The following OSBPL9 variants were observed in gnomAD, a reference collection of about 807,000 sequenced individuals.
OSBPL9 encodes the protein oxysterol binding protein like 9.
Under a neutral mutation model 106.6 loss-of-function variants are expected in OSBPL9, and 40 were observed. That is an observed-to-expected ratio of 0.38 (90% CI 0.29 to 0.49). The LOEUF is 0.49. Ranked by LOEUF, OSBPL9 falls within the 20% of genes least tolerant of loss-of-function variation. The pLI is 0.97. For missense variants in OSBPL9, 609 were observed against 887.2 expected (o/e 0.69, Z 3.98); for synonymous variants, 269 against 295.4 (o/e 0.91, Z 0.92).
At position 51,761,886 on chromosome 1, in the gene OSBPL9, G is replaced by A. The variant is rs770689263; in HGVS notation, c.693G>A (p.Lys231=). The part of the protein sequence containing the change: ...VLPPEPVQLC[K]SEQRPSSLPV... ...TCCTAGAACCTGTTCAGTTGTGTAA[G>A]TCAGAGCAGCGTCCATCTTCCCTAC... Residue 231 remains lysine (K), a synonymous_variant, in exon 11 of 24, where the codon AAG becomes AAA. Transcript: ENST00000428468. 6.2e-7 allele frequency: 1 copy of A among 1,613,586 alleles called. No homozygotes were observed. The highest frequency in any genetic ancestry group is 1.7e-5 in the Admixed American group (1 of 60,008).
intron 2 of OSBPL9, among the ~76,000 whole-genome samples, chr1:51,604,746 C>G (rs544826762): frequency 1.3e-5 from 2 of 151,832 alleles, no homozygotes; most frequent in Non-Finnish European, 2.9e-5. Flanking sequence ...CTCGGCCTCC[C>G]GGGTCCAAGT....
intron 11 of OSBPL9, among the ~76,000 whole-genome samples, chr1:51,762,968 T>C (rs925601932): frequency 1.3e-5 from 2 of 152,186 alleles, no homozygotes; most frequent in African/African-American, 4.8e-5. Context: ...AAAAAGATAC[T>C]TCATTTTAAT....
At chr1:51,610,463 T>A (rs2148606011) in intron 2 of OSBPL9, among the ~76,000 whole-genome samples, 1 of 152,328 alleles carries the variant, frequency 6.6e-6, no homozygotes, top group East Asian at 1.9e-4. Context: ...TTTCACCTTG[T>A]TGGCCAGGCT....
intron 2 of OSBPL9, among the ~76,000 whole-genome samples, chr1:51,659,553 A>G (rs1017691220): frequency 6.6e-6 from 1 of 152,062 alleles, no homozygotes; most frequent in African/African-American, 2.4e-5. Flanking sequence ...GAATACACTA[A>G]TGAAATGGGA....
At chr1:51,556,199 GTTAA>G in the OSBPL9 span, among the ~76,000 whole-genome samples, 1 of 152,148 alleles carries the variant, frequency 6.6e-6, no homozygotes, top group African/African-American at 2.4e-5. Flanking sequence ...CTGTCTAGCA[GTTAA>G]TTGTCACCCA....
In OSBPL9 at chr1:51,649,880, TTTG is replaced by T. The variant is rs199849891; in HGVS notation, c.112-2101_112-2099del. 6.5e-3 allele frequency among the ~76,000 whole-genome samples: 990 copies of T among 152,126 alleles called. 8 individuals carry two copies. Among genetic ancestry groups the T allele is most frequent in the Non-Finnish European group, 0.011 (768 of 67,984 alleles). On this transcript the variant is annotated intron_variant, in intron 1 of 23. Transcript: ENST00000428468. The stretch of plus-strand genomic sequence containing the variant: ...AGTTATCTCTCTTAGTTTTTTCTTT[TTTG>T]TTGTTGTTGAAAAAAGGGTTTTGCT...
chr1:51,666,479 CAT>C (rs1187488277), intron 2 of OSBPL9, among the ~76,000 whole-genome samples: 3 of 152,172 alleles, frequency 2.0e-5, no homozygotes, highest in African/African-American at 7.2e-5. Flanking sequence ...TCATACTAGT[CAT>C]ATTTCAAATG....
chr1:51,529,332 C>T, the OSBPL9 span, among the ~76,000 whole-genome samples: 6 of 152,044 alleles, frequency 3.9e-5, no homozygotes, highest in Admixed American at 1.3e-4. Flanking sequence ...CTCTGCCTCC[C>T]AGGTTTGCCA....
At chr1:51,558,418 C>A in the OSBPL9 span, among the ~76,000 whole-genome samples, 1 of 152,150 alleles carries the variant, frequency 6.6e-6, no homozygotes, top group Admixed American at 6.5e-5. Context: ...GCCACCTCCC[C>A]AATTCTCCTA....
the OSBPL9 span, among the ~76,000 whole-genome samples, chr1:51,562,223 T>C: frequency 1.3e-5 from 2 of 152,106 alleles, no homozygotes; most frequent in African/African-American, 4.8e-5. Flanking sequence ...TTCTCATAAA[T>C]GGTTTAGCAC....
intron 14 of OSBPL9, among the ~76,000 whole-genome samples, chr1:51,775,422 A>C (rs1674827990): frequency 6.6e-6 from 1 of 151,868 alleles, no homozygotes; most frequent in Admixed American, 6.6e-5. Flanking sequence ...GTGCCACCTC[A>C]ATAAATTGTT....
chr1:51,625,612 C>G (rs1001383150), intron 1 of OSBPL9, among the ~76,000 whole-genome samples: 1 of 151,792 alleles, frequency 6.6e-6, no homozygotes, highest in Admixed American at 6.6e-5. Context: ...CGTCCAGCAC[C>G]AAGACTCAAA....
chr1:51,667,200 T>C (rs1648731914), intron 2 of OSBPL9, among the ~76,000 whole-genome samples: 1 of 152,202 alleles, frequency 6.6e-6, no homozygotes, highest in Non-Finnish European at 1.5e-5. Context: ...TGAGTTGCAA[T>C]AGCTTTGTTG....
At chr1:51,617,020 C>A, upstream of OSBPL9, 2 of 1,495,670 alleles carry the variant, frequency 1.3e-6, no homozygotes, top group Non-Finnish European at 9.0e-7. Context: ...GCCCAGGACC[C>A]GCCCCGCCCC....
At chr1:51,757,012 T>C (rs1670486207) in intron 9 of OSBPL9, 1 of 152,214 alleles carries the variant, frequency 6.6e-6, no homozygotes, top group African/African-American at 2.4e-5. Flanking sequence ...GGTTTGTGCT[T>C]ACCCTAGTTT....
intron 2 of OSBPL9, among the ~76,000 whole-genome samples, chr1:51,607,237 C>T (rs1643955256): frequency 6.7e-6 from 1 of 148,576 alleles, no homozygotes; most frequent in Non-Finnish European, 1.5e-5. Flanking sequence ...GATCTCAGCA[C>T]TGCAACCTCC....
chr1:51,669,901 G>A (rs1379275926), intron 3 of OSBPL9: 2 of 423,188 alleles, frequency 4.7e-6, no homozygotes, highest in African/African-American at 4.1e-5. Context: ...GTGTTTGTCT[G>A]TGTAAAACTC....
chr1:51,675,386 T>C (rs1343995414), intron 3 of OSBPL9, among the ~76,000 whole-genome samples: 2 of 151,032 alleles, frequency 1.3e-5, no homozygotes, highest in Admixed American at 6.6e-5. Context: ...TATTTATTTA[T>C]TTTTTGTGAA....
chr1:51,554,643 CA>C, the OSBPL9 span, among the ~76,000 whole-genome samples: 1 of 152,200 alleles, frequency 6.6e-6, no homozygotes, highest in African/African-American at 2.4e-5. Context: ...TCCCACCTCT[CA>C]GGGCCGAGTG....
Sources: allele counts gnomAD v4.1 joint callset (sites outside exome capture counted in the v4.1 genomes callset), GRCh38; gene constraint gnomAD v4.1.1; transcripts MANE v1.5; gene names NCBI Gene and HGNC (gene_info 2026-07-23, HGNC 2026-07-21).